NAALADL2: variants seen among roughly 807,000 people sequenced by gnomAD.
The protein encoded by NAALADL2 is inactive N-acetylated-alpha-linked acidic dipeptidase-like protein 2.
NAALADL2 carries 76 observed loss-of-function variants against 87.2 expected under a neutral mutation model. The ratio of observed to expected loss-of-function variants is 0.87; its 90% CI spans 0.72 to 1.05. The LOEUF (loss-of-function observed/expected upper bound fraction) is 1.05. Ranked by LOEUF, NAALADL2 falls within the 50% of genes least tolerant of loss-of-function variation. The pLI, the probability that NAALADL2 is intolerant of heterozygous loss-of-function variation, is 0.00. For missense variants in NAALADL2, 1,089 were observed against 945.8 expected, an observed-to-expected ratio of 1.15 and a Z score of -1.99; for synonymous variants, 354 against 331.0, an observed-to-expected ratio of 1.07 and a Z score of -0.75.
chr3:175,283,489 T>C (rs1463620090), intron 4 of NAALADL2, among the ~76,000 whole-genome samples: 1 of 152,126 alleles, frequency 6.6e-6, no homozygotes, highest in African/African-American at 2.4e-5. Flanking sequence ...CTTCCTTCTG[T>C]TGGGGAAACT....
chr3:175,549,233 C>A (rs375249162), intron 9 of NAALADL2, among the ~76,000 whole-genome samples: 4 of 151,764 alleles, frequency 2.6e-5, no homozygotes, highest in East Asian at 1.9e-4. Context: ...AATACACCAC[C>A]CTTTTTGTTT....
intron 5 of NAALADL2, among the ~76,000 whole-genome samples, chr3:175,412,891 T>TTTATTAATATTA: frequency 8.1e-6 from 1 of 123,008 alleles, no homozygotes; most frequent in South Asian, 2.9e-4. Context: ...ATTTAATTTA[T>TTTATTAATATTA]TTATTATTAT....
intron 3 of NAALADL2, among the ~76,000 whole-genome samples, chr3:174,817,236 T>C (rs1351948669): frequency 6.6e-6 from 1 of 152,174 alleles, no homozygotes; most frequent in East Asian, 1.9e-4. Flanking sequence ...AGTTGGTTAT[T>C]TTGTTTTAGG....
At chr3:175,551,413 G>C (rs898191948) in intron 9 of NAALADL2, among the ~76,000 whole-genome samples, 4 of 152,076 alleles carry the variant, frequency 2.6e-5, no homozygotes, top group Non-Finnish European at 5.9e-5. Flanking sequence ...TCTTACTCAT[G>C]TCAATTGGAT....
At chr3:175,427,559 A>G (rs1263189505) in intron 5 of NAALADL2, among the ~76,000 whole-genome samples, 1 of 152,178 alleles carries the variant, frequency 6.6e-6, no homozygotes, top group Admixed American at 6.6e-5. Flanking sequence ...AATTTTCTGG[A>G]TAACACAAAT....
rs1209046985 is a variant in NAALADL2 at position 175,364,933 on chromosome 3, ACTAT to A, written c.1090+40612_1090+40615del. Among the ~76,000 whole-genome samples, 7 of 147,810 alleles carry A rather than the reference ACTAT, an allele frequency of 4.7e-5. 1 individual carries two copies. Among genetic ancestry groups the A allele is most frequent in the South Asian group, 2.2e-4 (1 of 4,542 alleles). On this transcript the variant is annotated intron_variant, in intron 5 of 13. Coordinates refer to ENST00000454872, the MANE Select transcript of NAALADL2 (RefSeq NM_207015.3). ...ATATGTTTTACTTATATTCTCTATG[ACTAT>A]CTAGTAACTTGGGGAAAGTACATTT...
chr3:175,608,417 C>A (rs1449716956), intron 10 of NAALADL2, among the ~76,000 whole-genome samples: 3 of 151,646 alleles, frequency 2.0e-5, no homozygotes, highest in Admixed American at 2.0e-4. Context: ...AGTTTATCTG[C>A]ACAATATGTT....
rs142979232 is a variant in NAALADL2 at position 175,420,950 on chromosome 3, G to A, written c.1091-26279G>A. ...ATTCAATTTTTTTCTCATAATATCT[G>A]AGTAGAAATATTCTGATCATACTTA... On this transcript the variant is annotated intron_variant, in intron 5 of 13. Transcript: ENST00000454872. 1.1e-3 allele frequency among the ~76,000 whole-genome samples: 167 copies of A among 151,952 alleles called. 1 individual carries two copies. Among genetic ancestry groups the A allele is most frequent in the African/African-American group, 3.6e-3 (151 of 41,496 alleles).
chr3:175,248,961 T>C (rs1331644965), intron 3 of NAALADL2, among the ~76,000 whole-genome samples: 1 of 152,128 alleles, frequency 6.6e-6, no homozygotes, highest in South Asian at 2.1e-4. Context: ...AATTATATAG[T>C]TCTATCAGAA....
At chr3:175,399,349 T>A (rs1479883186) in intron 5 of NAALADL2, among the ~76,000 whole-genome samples, 1 of 152,060 alleles carries the variant, frequency 6.6e-6, no homozygotes, top group South Asian at 2.1e-4. Context: ...ATACCTAACT[T>A]TCCGGGAATG....
chr3:175,097,571 G>A (rs2038377096), intron 2 of NAALADL2, among the ~76,000 whole-genome samples: 1 of 152,126 alleles, frequency 6.6e-6, no homozygotes, highest in Non-Finnish European at 1.5e-5. Context: ...CCCTCTTGGT[G>A]AGCCTTGTTA....
chr3:174,803,713 T>G (rs1388723676), intron 3 of NAALADL2, among the ~76,000 whole-genome samples: 1 of 152,196 alleles, frequency 6.6e-6, no homozygotes. Flanking sequence ...CCGGCACCAT[T>G]TATTAAATAG....
chr3:175,755,621 C>T (rs1392808940), intron 13 of NAALADL2, among the ~76,000 whole-genome samples: 2 of 151,872 alleles, frequency 1.3e-5, no homozygotes, highest in African/African-American at 2.4e-5. Context: ...TTAGCAGCAG[C>T]ACAGAAAAAA....
At chr3:174,456,411 CAAAAAA>C (rs59833697) in intron 1 of NAALADL2, among the ~76,000 whole-genome samples, 45 of 56,380 alleles carry the variant, frequency 8.0e-4, no homozygotes, top group African/African-American at 3.0e-3. Context: ...CAATCCTAAG[CAAAAAA>C]AAAAAAAAAA....
Position 175,292,759 on chromosome 3 carries a change from G to A in NAALADL2, c.940-31416G>A, listed in dbSNP as rs528696699. 4.9e-4 allele frequency among the ~76,000 whole-genome samples: 75 copies of A among 152,014 alleles called. No homozygotes were observed. In the South Asian group the frequency reaches 7.1e-3, roughly 14 times the overall value. On this transcript the variant is annotated intron_variant, in intron 4 of 13. Coordinates refer to ENST00000454872, the MANE Select transcript of NAALADL2 (RefSeq NM_207015.3). ...GGACATAAAAATGAAGAAAACGTCC[G>A]GGCGCGGGTGGCTCACGCCTGTAAT...
At chr3:174,468,600 C>T (rs141662119) in intron 1 of NAALADL2, among the ~76,000 whole-genome samples, 60 of 151,626 alleles carry the variant, frequency 4.0e-4, no homozygotes, top group African/African-American at 1.4e-3. Flanking sequence ...AGGCTGATCT[C>T]GAACTCCTGA....
intron 11 of NAALADL2, among the ~76,000 whole-genome samples, chr3:175,670,993 T>TA (rs554253438): frequency 2.0e-4 from 30 of 150,104 alleles, no homozygotes; most frequent in Non-Finnish European, 3.3e-4. Context: ...CCTCAAGTTG[T>TA]AAAAAAAAAT....
chr3:175,275,768 G>T (rs1753502243), intron 4 of NAALADL2, among the ~76,000 whole-genome samples: 2 of 151,732 alleles, frequency 1.3e-5, no homozygotes, highest in Admixed American at 6.6e-5. Context: ...ATAGGGTAAT[G>T]CATGAAAACT....
rs115044381 is a variant in NAALADL2, at chr3:174,724,959, G to A, written c.-114-12682G>A. 2.9e-3 allele frequency among the ~76,000 whole-genome samples: 445 copies of A among 152,280 alleles called. 2 individuals are homozygous for A. Among genetic ancestry groups the A allele is most frequent in the African/African-American group, 0.01 (426 of 41,566 alleles). On this transcript the variant is annotated intron_variant, in intron 2 of 3. Transcript: ENST00000434257. ...CACCTATTCAGATTCTGTTTCTGGT[G>A]AGATCAGGAACCTGACTTTTCAAAA...
Sources: allele counts gnomAD v4.1 joint callset (sites outside exome capture counted in the v4.1 genomes callset), GRCh38; gene constraint gnomAD v4.1.1; transcripts MANE v1.5; gene names NCBI Gene and HGNC (gene_info 2026-07-23, HGNC 2026-07-21).